ARMH3: variants seen among roughly 807,000 people sequenced by gnomAD.
The protein encoded by ARMH3 is armadillo like helical domain containing 3.
A neutral mutation model predicts 99.1 loss-of-function variants in ARMH3; 60 were observed. The observed-to-expected ratio is 0.61, with a 90% CI of 0.49 to 0.75. The LOEUF (loss-of-function observed/expected upper bound fraction) is 0.75, where lower values mean the gene tolerates loss of function less well. ARMH3 is among the 30% of genes least tolerant of loss of function. The pLI is 0.00. For synonymous variants in ARMH3, 285 were observed against 292.8 expected, an observed-to-expected ratio of 0.97 and a Z score of 0.27; for missense variants, 679 against 843.1, an observed-to-expected ratio of 0.81 and a Z score of 2.41.
chr10:101,990,472 A>G (rs549570264), intron 19 of ARMH3, 79 bp downstream of exon 19: 10 of 1,220,410 alleles, frequency 8.2e-6, no homozygotes, highest in African/African-American at 1.5e-5. Context: ...CGCCCGGCCT[A>G]CACAGACCAT....
In ARMH3 at chr10:101,895,961, T is replaced by C. The variant is rs540560368; in HGVS notation, c.1782-6471A>G. On this transcript the variant is annotated intron_variant, in intron 23 of 25. Transcript: ENST00000370033. ...AGATACCACTTCACACCCATTAGGA[T>C]AGTGATAAAAAGAGAATAGCAAGGC... 5.3e-5 allele frequency among the ~76,000 whole-genome samples: 8 copies of C among 152,216 alleles called. No homozygotes were observed. In the South Asian group the frequency reaches 1.2e-3, roughly 24 times the overall value.
chr10:102,009,985 G>C lies in ARMH3; in HGVS notation c.870C>G (p.Ile290Met). 1 of 1,614,004 alleles carries C rather than the reference G, an allele frequency of 6.2e-7. No homozygotes were observed. Among genetic ancestry groups the C allele is most frequent in the Non-Finnish European group, 8.5e-7 (1 of 1,179,918 alleles). The part of the protein sequence containing the change: ...SMFIADAHEK[I>M]SVQTNEAILL... ...GAATGTCAGGCACTTACTGTACTGA[G>C]ATTTTCTCATGGGCATCTGCTATGA... Residue 290 changes from isoleucine (I) to methionine (M), a missense_variant, in exon 12 of 26, where the codon ATC becomes ATG. Coordinates refer to ENST00000370033, the MANE Select transcript of ARMH3 (RefSeq NM_024541.3).
At chr10:102,033,193 G>A (rs1392282813) in intron 3 of ARMH3, 21 bp from the exon 4 acceptor site, 1 of 1,613,926 alleles carries the variant, frequency 6.2e-7, no homozygotes, top group Non-Finnish European at 8.5e-7. Flanking sequence ...AACAAATAAG[G>A]GGCAGAGTGC....
At chr10:102,041,690 A>G (rs2067430154) in intron 1 of ARMH3, among the ~76,000 whole-genome samples, 1 of 151,016 alleles carries the variant, frequency 6.6e-6, no homozygotes, top group African/African-American at 2.4e-5. Flanking sequence ...TCACCCTGTC[A>G]CCCAGGCTGG....
At chr10:101,905,772 G>C (rs1424020854) in intron 23 of ARMH3, among the ~76,000 whole-genome samples, 1 of 152,110 alleles carries the variant, frequency 6.6e-6, no homozygotes, top group Admixed American at 6.5e-5. Flanking sequence ...CTTAAAATCT[G>C]GTGGTTTCCT....
At chr10:102,054,148 T>G (rs1267475738) in intron 1 of ARMH3, among the ~76,000 whole-genome samples, 4 of 152,086 alleles carry the variant, frequency 2.6e-5, no homozygotes, top group Non-Finnish European at 5.9e-5. Context: ...CCCAGCACTT[T>G]GGGAGGCTGA....
In ARMH3 at chr10:101,990,635, T is replaced by C. The variant is rs770136119; in HGVS notation, c.1346-24A>G. On this transcript the variant is annotated intron_variant, in intron 18 of 25. Coordinates refer to ENST00000370033, the MANE Select transcript of ARMH3 (RefSeq NM_024541.3). ...GTCTGAAAGGGGAATAGAGAAAAAC[T>C]GGATCAATTACAATGGAATTCATTT... 18 of 1,566,166 alleles carry C rather than the reference T, an allele frequency of 1.1e-5. No homozygotes were observed. The African/African-American group carries it at 1.9e-4, about 17-fold the overall frequency.
chr10:102,010,042 A>C lies in ARMH3; in HGVS notation c.832-19T>G. ...TGCCCACCTGTGGAAGAAAAGGGGA[A>C]TTGCAAACTTATAGCAGGAGGATAT... On this transcript the variant is annotated intron_variant, in intron 11 of 25. Coordinates refer to ENST00000370033, the MANE Select transcript of ARMH3 (RefSeq NM_024541.3). 1 of 1,612,342 alleles carries C rather than the reference A, an allele frequency of 6.2e-7. No individual in the cohort carries two copies. The highest frequency in any genetic ancestry group is 8.5e-7 in the Non-Finnish European group (1 of 1,178,454).
chr10:102,044,400 C>G (rs537006196), intron 1 of ARMH3, among the ~76,000 whole-genome samples: 2 of 144,982 alleles, frequency 1.4e-5, no homozygotes, highest in East Asian at 4.2e-4. Flanking sequence ...GAGACAGAGT[C>G]TGGCTCTGTT....
At chr10:102,020,394 C>T (rs1044812661) in intron 8 of ARMH3, among the ~76,000 whole-genome samples, 4 of 151,264 alleles carry the variant, frequency 2.6e-5, no homozygotes, top group African/African-American at 4.9e-5. Flanking sequence ...TAGCCGAGCA[C>T]GGCCGGGCGC....
chr10:102,032,138 AT>A lies in ARMH3; in HGVS notation c.306+887del, dbSNP rs574252908. Among the ~76,000 whole-genome samples, 173 of 152,304 alleles carry A rather than the reference AT, an allele frequency of 1.1e-3. 1 individual carries two copies. The highest frequency in any genetic ancestry group is 3.9e-3 in the African/African-American group (164 of 41,560). On this transcript the variant is annotated intron_variant, in intron 4 of 25. Transcript: ENST00000370033. ...ACTAAATTTTAGAAACTTTGTCACC[AT>A]TCATTCAATAAGAACTTACTTCTAG...
intron 23 of ARMH3, among the ~76,000 whole-genome samples, chr10:101,890,294 A>T (rs1055798471): frequency 6.6e-6 from 1 of 151,826 alleles, no homozygotes; most frequent in Non-Finnish European, 1.5e-5. Flanking sequence ...CCAAGTCTGG[A>T]ATGCAGTGGC....
chr10:102,006,539 C>T lies in ARMH3; in HGVS notation c.1048+1G>A. ...GAAAAACAAAGTGGTGGTGGGCTCA[C>T]CATCAGAGGAAGGCGGTGTGGTCCC... On this transcript the variant is annotated splice_donor_variant, in intron 14 of 25. Transcript: ENST00000370033. LOFTEE classifies it high-confidence loss of function. 1 of 1,613,170 alleles carries T rather than the reference C, an allele frequency of 6.2e-7. No individual in the cohort carries two copies. Among genetic ancestry groups the T allele is most frequent in the Non-Finnish European group, 8.5e-7 (1 of 1,179,180 alleles).
At chr10:101,854,573 C>T (rs1383003972) in intron 24 of ARMH3, among the ~76,000 whole-genome samples, 1 of 152,124 alleles carries the variant, frequency 6.6e-6, no homozygotes, top group Non-Finnish European at 1.5e-5. Flanking sequence ...CCTTAAAACA[C>T]TTTGCCTCAA....
rs958464671 is a variant in ARMH3 at position 102,030,712 on chromosome 10, A to AAAT, written c.307-970_307-968dup. On this transcript the variant is annotated intron_variant, in intron 4 of 25. Coordinates refer to ENST00000370033, the MANE Select transcript of ARMH3 (RefSeq NM_024541.3). Reference sequence around the variant, plus strand: ...CAACAAGAGTGAAACTCCGTCTCAAAAATAATAATAATAATAATAATTTTG... The same window carrying AAAT: ...CAACAAGAGTGAAACTCCGTCTCAAAAATAATAATAATAATAATAATAATTTTG... Among the ~76,000 whole-genome samples the AAAT allele has an allele frequency of 3.0e-4, 40 of 135,522 alleles. 1 individual carries two copies. The East Asian group carries it at 5.3e-3, about 18-fold the overall frequency. The allele number at this position is 135,522 out of a possible 152,430, so 88.9% of individuals were successfully genotyped here.
intron 9 of ARMH3, 30 bp downstream of exon 9, chr10:102,013,938 A>G: frequency 4.5e-6 from 7 of 1,550,918 alleles, no homozygotes; most frequent in Non-Finnish European, 5.3e-6. Flanking sequence ...GCAAATAAGT[A>G]AGACAATACA....
At chr10:101,949,920 G>A (rs1844714540) in intron 22 of ARMH3, among the ~76,000 whole-genome samples, 1 of 152,054 alleles carries the variant, frequency 6.6e-6, no homozygotes, top group African/African-American at 2.4e-5. Flanking sequence ...ATGTAATCAT[G>A]GCAATAAATG....
chr10:101,963,758 C>A (rs964500443), intron 20 of ARMH3, among the ~76,000 whole-genome samples: 1 of 152,014 alleles, frequency 6.6e-6, no homozygotes, highest in Non-Finnish European at 1.5e-5. Flanking sequence ...GGCCACTGCA[C>A]TTGGCTGTCT....
chr10:101,913,983 C>A (rs1842975545), intron 23 of ARMH3, among the ~76,000 whole-genome samples: 1 of 152,106 alleles, frequency 6.6e-6, no homozygotes, highest in African/African-American at 2.4e-5. Context: ...GGCATTCTAC[C>A]CTATGAAATC....
Sources: allele counts gnomAD v4.1 joint callset (sites outside exome capture counted in the v4.1 genomes callset), GRCh38; gene constraint gnomAD v4.1.1; transcripts MANE v1.5; gene names NCBI Gene and HGNC (gene_info 2026-07-23, HGNC 2026-07-21).